The following STK38 variants were observed in gnomAD, a reference collection of about 807,000 sequenced individuals.
The protein encoded by STK38 is serine/threonine-protein kinase 38.
STK38 carries 26 observed loss-of-function variants against 59.0 expected under a neutral mutation model. The ratio of observed to expected loss-of-function variants is 0.44; its 90% confidence interval spans 0.32 to 0.61. The LOEUF (loss-of-function observed/expected upper bound fraction) is 0.61. STK38 is among the 20% of genes least tolerant of loss of function. The probability of loss-of-function intolerance (pLI) is 0.04; values close to 1 mark genes in which losing one functional copy is unlikely to be tolerated. For missense variants in STK38, 433 were observed against 566.0 expected, an observed-to-expected ratio of 0.76 and a Z score of 2.38; for synonymous variants, 175 against 176.6, an observed-to-expected ratio of 0.99 and a Z score of 0.07.
At chr6:36,516,423 G>A (rs1377248341) in intron 6 of STK38, among the ~76,000 whole-genome samples, 2 of 152,112 alleles carry the variant, frequency 1.3e-5, no homozygotes, top group African/African-American at 2.4e-5. Flanking sequence ...TAGAAAACAA[G>A]GAAAAGAGAA....
intron 9 of STK38, among the ~76,000 whole-genome samples, chr6:36,506,107 A>C (rs1171684233): frequency 6.6e-6 from 1 of 152,176 alleles, no homozygotes; most frequent in Admixed American, 6.6e-5. Flanking sequence ...AATCTTTATA[A>C]GTAAGTTCTT....
intron 2 of STK38, among the ~76,000 whole-genome samples, chr6:36,535,277 C>T (rs148024697): frequency 1.8e-4 from 28 of 151,888 alleles, no homozygotes; most frequent in African/African-American, 6.3e-4. Flanking sequence ...GGTGAAACCC[C>T]GTCTCTATTA....
At position 36,534,722 on chromosome 6, in the gene STK38, C is replaced by T. The variant is rs114343394; in HGVS notation, c.131+5350G>A. Among the ~76,000 whole-genome samples the T allele has an allele frequency of 3.2e-3, 478 of 151,746 alleles. 1 individual carries two copies. Among genetic ancestry groups the T allele is most frequent in the African/African-American group, 0.011 (450 of 41,348 alleles). ...GGAAACTGCCTCAACCTATAAAGGG[C>T]ATCTTTAGTAAAACAGTGAGCACGT... On this transcript the variant is annotated intron_variant, in intron 2 of 13. Coordinates refer to ENST00000229812, the MANE Select transcript of STK38 (RefSeq NM_007271.4).
chr6:36,529,891 ATTGAAAACAGACAGTATT>A (rs1777625350), intron 2 of STK38, among the ~76,000 whole-genome samples: 1 of 152,146 alleles, frequency 6.6e-6, no homozygotes, highest in Non-Finnish European at 1.5e-5. Flanking sequence ...TTCCACCCTA[ATTGAAAACAGACAGTATT>A]TTGGTGAGAC....
At chr6:36,497,911 C>A in intron 11 of STK38, 36 bp from the exon 12 acceptor site, 1 of 1,414,740 alleles carries the variant, frequency 7.1e-7, no homozygotes. Flanking sequence ...ACATCTCAAG[C>A]AGTCTCCTCA....
chr6:36,527,943 CAA>C (rs56805046), intron 2 of STK38, among the ~76,000 whole-genome samples: 55 of 128,244 alleles, frequency 4.3e-4, no homozygotes, highest in Admixed American at 4.7e-4. Context: ...ACTAAAAATA[CAA>C]AAAAAAAAAA....
At chr6:36,500,537 G>A (rs949896478) in intron 9 of STK38, among the ~76,000 whole-genome samples, 39 of 151,852 alleles carry the variant, frequency 2.6e-4, no homozygotes, top group African/African-American at 5.8e-4. Flanking sequence ...TGAGGTGGGC[G>A]GATCACGAGG....
rs1410573254 is a variant in STK38 at position 36,515,359 on chromosome 6, G to A, written c.648C>T (p.Asp216=). 1 of 1,614,110 alleles carries A rather than the reference G, an allele frequency of 6.2e-7. No individual in the cohort carries two copies. Among genetic ancestry groups the A allele is most frequent in the African/African-American group, 1.3e-5 (1 of 75,018 alleles). The change falls in exon 7 of 14, where the codon GAC becomes GAT. Residue 216 remains aspartate, a synonymous_variant. Coordinates refer to ENST00000229812, the MANE Select transcript of STK38 (RefSeq NM_007271.4). The part of the protein sequence containing the change: ...LGFIHRDIKP[D]NLLLDSKGHV... Reference sequence around the variant, plus strand: ...ATACCTTGCTGTCCAAAAGAAGGTTGTCTGGTTTGATGTCTCTGTGGATGA... The same window carrying A: ...ATACCTTGCTGTCCAAAAGAAGGTTATCTGGTTTGATGTCTCTGTGGATGA...
chr6:36,500,952 G>A (rs1776824126), intron 9 of STK38, among the ~76,000 whole-genome samples: 1 of 151,574 alleles, frequency 6.6e-6, no homozygotes, highest in East Asian at 1.9e-4. Flanking sequence ...TATAGTTCTT[G>A]GAGGAATGTT....
chr6:36,537,262 G>A lies in STK38; in HGVS notation c.131+2810C>T, dbSNP rs551727539. Among the ~76,000 whole-genome samples the A allele has an allele frequency of 1.7e-4, 26 of 152,132 alleles. No individual in the cohort carries two copies. In the East Asian group the frequency reaches 1.9e-3, roughly 11 times the overall value. ...CCAAAATAACTAAAACACTGACAAC[G>A]CAAATGTTAGTAAAAATGTAAAGTA... On this transcript the variant is annotated intron_variant, in intron 2 of 13. Coordinates refer to ENST00000229812, the MANE Select transcript of STK38 (RefSeq NM_007271.4).
At chr6:36,526,768 C>G (rs929270953) in intron 2 of STK38, among the ~76,000 whole-genome samples, 5 of 151,882 alleles carry the variant, frequency 3.3e-5, no homozygotes, top group African/African-American at 1.2e-4. Context: ...GGTGGCATAC[C>G]CTGTAATCCC....
At chr6:36,523,750 T>C (rs186399729) in intron 4 of STK38, among the ~76,000 whole-genome samples, 5 of 152,308 alleles carry the variant, frequency 3.3e-5, no homozygotes, top group Admixed American at 3.3e-4. Flanking sequence ...AAGTCGCAAA[T>C]GCTTTCAACT....
chr6:36,509,553 G>A (rs1461956082), intron 7 of STK38, among the ~76,000 whole-genome samples: 1 of 151,248 alleles, frequency 6.6e-6, no homozygotes, highest in Non-Finnish European at 1.5e-5. Context: ...AGTTTACTTA[G>A]GCCTCGGAAC....
At chr6:36,541,831 CTTTT>C (rs58320889) in intron 1 of STK38, among the ~76,000 whole-genome samples, 1 of 135,934 alleles carries the variant, frequency 7.4e-6, no homozygotes. Context: ...TTTTCTTTTT[CTTTT>C]TTTTTTTTTT....
At chr6:36,532,880 A>C (rs1437703518) in intron 2 of STK38, among the ~76,000 whole-genome samples, 1 of 151,724 alleles carries the variant, frequency 6.6e-6, no homozygotes, top group Non-Finnish European at 1.5e-5. Context: ...GCCTGGGCAA[A>C]AGAGCAAAAC....
chr6:36,535,062 A>C (rs1246403633), intron 2 of STK38, among the ~76,000 whole-genome samples: 3 of 152,134 alleles, frequency 2.0e-5, no homozygotes, highest in African/African-American at 7.2e-5. Flanking sequence ...CATCCAGAAA[A>C]CCCCCAAATA....
At chr6:36,503,988 CT>C (rs1328888786) in intron 9 of STK38, among the ~76,000 whole-genome samples, 1 of 152,186 alleles carries the variant, frequency 6.6e-6, no homozygotes, top group Non-Finnish European at 1.5e-5. Context: ...CCAGTTTCTC[CT>C]TTTTTCTGTC....
At chr6:36,532,060 A>G (rs544610527) in intron 2 of STK38, among the ~76,000 whole-genome samples, 2 of 152,164 alleles carry the variant, frequency 1.3e-5, no homozygotes, top group Non-Finnish European at 2.9e-5. Context: ...CCTCCATCAT[A>G]TATTATCTCT....
At chr6:36,546,920 G>A (rs1367939067) in intron 1 of STK38, among the ~76,000 whole-genome samples, 2 of 152,108 alleles carry the variant, frequency 1.3e-5, no homozygotes, top group African/African-American at 2.4e-5. Context: ...CCTGGCTCCC[G>A]CTCCAACTGC....
Sources: gnomAD v4.1 joint callset for allele counts (sites outside exome capture counted in the v4.1 genomes callset) on GRCh38, gnomAD v4.1.1 for gene constraint, MANE v1.5 for transcripts, NCBI Gene and HGNC (gene_info 2026-07-23, HGNC 2026-07-21) for gene names.